ABI3BP: variants seen among roughly 807,000 people sequenced by gnomAD.
ABI3BP encodes the protein ABI family member 3 binding protein, also known as target of Nesh-SH3.
In ABI3BP, 216 loss-of-function variants were observed where a neutral mutation model predicts 268.6. That is an observed-to-expected ratio of 0.80 (90% confidence interval 0.72 to 0.90). The LOEUF (loss-of-function observed/expected upper bound fraction) is 0.90. Ranked by LOEUF, ABI3BP falls within the 40% of genes least tolerant of loss-of-function variation. The pLI is 0.00. For synonymous variants in ABI3BP, 730 were observed against 730.0 expected (o/e 1.00, Z 0.00); for missense variants, 2,090 against 2,182.4 (o/e 0.96, Z 0.84).
chr3:100,862,674 C>T, intron 13 of ABI3BP, 164 bp downstream of exon 13: 1 of 612,284 alleles, frequency 1.6e-6, no homozygotes, highest in Non-Finnish European at 2.8e-6. Flanking sequence ...ACCGAATTTG[C>T]AGAAAATCCA....
chr3:100,811,754 A>G lies in ABI3BP; in HGVS notation c.3467T>C (p.Leu1156Pro). ...TTCAGTCTTTGGCTCCTCTGGCCAG[A>G]GTGGTGCTTTGGCAGTGGGATATAC... ...DYVYPTAKAP[L>P]WPEEPKTEVV... The change falls in exon 47 of 68, where the codon CTC becomes CCC. Residue 1156 changes from leucine (L) to proline (P), a missense_variant. Physicochemically the swap from Leu to Pro is moderately conservative, Grantham distance 98. Transcript: ENST00000471714. 1 of 1,535,520 alleles carries G rather than the reference A, an allele frequency of 6.5e-7. No homozygotes were observed. Among genetic ancestry groups the G allele is most frequent in the Non-Finnish European group, 8.7e-7 (1 of 1,146,488 alleles).
intron 14 of ABI3BP, among the ~76,000 whole-genome samples, chr3:100,861,002 T>C (rs1300279841): frequency 6.6e-6 from 1 of 152,066 alleles, no homozygotes; most frequent in Non-Finnish European, 1.5e-5. Flanking sequence ...AGAGGCTCAC[T>C]CAGTATGAAA....
chr3:100,877,309 G>A (rs1452456225), intron 6 of ABI3BP, among the ~76,000 whole-genome samples: 1 of 152,188 alleles, frequency 6.6e-6, no homozygotes, highest in Admixed American at 6.5e-5. Flanking sequence ...TGCTGCTGCT[G>A]TTACTACAGA....
chr3:100,764,766 T>A (rs2096183550), intron 63 of ABI3BP, among the ~76,000 whole-genome samples: 2 of 152,204 alleles, frequency 1.3e-5, no homozygotes, highest in South Asian at 4.1e-4. Context: ...TTTCTCCCCC[T>A]CTCGATCTAA....
chr3:100,983,195 G>A (rs1427924291), intron 1 of ABI3BP, among the ~76,000 whole-genome samples: 1 of 152,214 alleles, frequency 6.6e-6, no homozygotes, highest in Non-Finnish European at 1.5e-5. Context: ...CAGAGTCTTA[G>A]CAAGGTTTCA....
intron 36 of ABI3BP, 93 bp from the exon 37 acceptor site, chr3:100,823,607 C>T: frequency 2.1e-6 from 2 of 931,308 alleles, no homozygotes; most frequent in East Asian, 5.5e-5. Flanking sequence ...TATGTCAATT[C>T]TTCCAGAGAA....
chr3:100,940,226 G>A (rs1029066869), intron 1 of ABI3BP, among the ~76,000 whole-genome samples: 1 of 152,004 alleles, frequency 6.6e-6, no homozygotes, highest in South Asian at 2.1e-4. Flanking sequence ...ATAAAGACAG[G>A]CATAGGAAAT....
At chr3:100,774,277 T>G (rs938361281) in intron 61 of ABI3BP, among the ~76,000 whole-genome samples, 2 of 152,120 alleles carry the variant, frequency 1.3e-5, no homozygotes, top group Non-Finnish European at 2.9e-5. Flanking sequence ...GGACACCCCC[T>G]TTCTTGATTT....
chr3:100,872,401 T>A (rs1294973141), intron 9 of ABI3BP, among the ~76,000 whole-genome samples: 1 of 152,164 alleles, frequency 6.6e-6, no homozygotes, highest in Non-Finnish European at 1.5e-5. Flanking sequence ...GTAGAATTTT[T>A]AAATTTTTTT....
At chr3:100,957,550 C>G (rs2077256288) in intron 1 of ABI3BP, among the ~76,000 whole-genome samples, 1 of 152,112 alleles carries the variant, frequency 6.6e-6, no homozygotes, top group South Asian at 2.1e-4. Flanking sequence ...AGTCATAAGA[C>G]TAGATGAGAT....
chr3:100,850,521 T>C (rs1382092526), intron 16 of ABI3BP, 139 bp downstream of exon 16: 1 of 647,000 alleles, frequency 1.5e-6, no homozygotes, highest in Admixed American at 2.9e-5. Flanking sequence ...ATTTAAAATA[T>C]ATAGATGTAT....
intron 49 of ABI3BP, among the ~76,000 whole-genome samples, chr3:100,809,861 A>G (rs1162041584): frequency 6.6e-6 from 1 of 152,136 alleles, no homozygotes; most frequent in East Asian, 1.9e-4. Flanking sequence ...CTTTGTGATA[A>G]GCCAAAATAA....
intron 12 of ABI3BP, 163 bp downstream of exon 12, chr3:100,863,839 A>C: frequency 1.8e-6 from 1 of 568,256 alleles, no homozygotes; most frequent in Non-Finnish European, 3.1e-6. Context: ...ACCCAACCAA[A>C]CAATTTGTCA....
chr3:100,895,452 A>G (rs1014442655), intron 4 of ABI3BP, among the ~76,000 whole-genome samples: 2 of 152,236 alleles, frequency 1.3e-5, no homozygotes, highest in Non-Finnish European at 2.9e-5. Flanking sequence ...ACTACCTAAG[A>G]GCTTTGATAT....
intron 63 of ABI3BP, among the ~76,000 whole-genome samples, chr3:100,761,183 T>C (rs1175573989): frequency 6.6e-6 from 1 of 152,186 alleles, no homozygotes; most frequent in African/African-American, 2.4e-5. Context: ...AAGTAAATAC[T>C]GGGGAGGGTA....
chr3:100,963,309 G>C lies in ABI3BP; in HGVS notation c.79+29997C>G, dbSNP rs72930280. Among the ~76,000 whole-genome samples the C allele has an allele frequency of 2.9e-3, 445 of 152,288 alleles. 3 individuals carry two copies. Among genetic ancestry groups the C allele is most frequent in the African/African-American group, 0.01 (421 of 41,554 alleles). On this transcript the variant is annotated intron_variant, in intron 1 of 67. Coordinates refer to ENST00000471714, the MANE Select transcript of ABI3BP (RefSeq NM_001375547.2). ...TGACTACATTTTTTCAATGCTCACTGTATGTGTAGGCTAGAAACCCAGGAG... is the reference window on the plus strand; with the variant it reads ...TGACTACATTTTTTCAATGCTCACTCTATGTGTAGGCTAGAAACCCAGGAG...
rs541791454 is a variant in ABI3BP, at chr3:100,863,880, G to A, written c.1138+122C>T. On this transcript the variant is annotated intron_variant, in intron 12 of 67. Transcript: ENST00000471714. ...AGAGCCTCTTTGGGATCCTAAACTT[G>A]AAGACTGTGTCACCTTTAAGGGATT... is the stretch of plus-strand genomic sequence containing the variant. The A allele has an allele frequency of 1.3e-5, 10 of 751,144 alleles. No individual in the cohort carries two copies. In the South Asian group the frequency reaches 1.6e-4, roughly 12 times the overall value. 46.5% of individuals were successfully genotyped at this position (751,144 alleles called of 1,614,324 possible).
chr3:100,862,984 G>T, intron 12 of ABI3BP, 75 bp from the exon 13 acceptor site: 1 of 1,166,370 alleles, frequency 8.6e-7, no homozygotes, highest in Non-Finnish European at 1.2e-6. Flanking sequence ...TTTTAAGCTT[G>T]CAAAAACAAA....
chr3:100,753,854 G>T lies in ABI3BP; in HGVS notation c.4931-6C>A, dbSNP rs777430428. 1.6e-5 allele frequency: 26 copies of T among 1,608,170 alleles called. No individual in the cohort carries two copies. Among genetic ancestry groups the T allele is most frequent in the Non-Finnish European group, 1.0e-5 (12 of 1,177,458 alleles). ...CTCACTCACTCTTGGGTCCGCTGAGGAGAAATAAATAGAAAAGTCAGACCT... is the reference window on the plus strand; with the variant it reads ...CTCACTCACTCTTGGGTCCGCTGAGTAGAAATAAATAGAAAAGTCAGACCT... On this transcript the variant is annotated splice_polypyrimidine_tract_variant and splice_region_variant and intron_variant, in intron 64 of 67. Transcript: ENST00000471714.
Sources: gnomAD v4.1 joint callset for allele counts (sites outside exome capture counted in the v4.1 genomes callset) on GRCh38, gnomAD v4.1.1 for gene constraint, MANE v1.5 for transcripts, NCBI Gene and HGNC (gene_info 2026-07-23, HGNC 2026-07-21) for gene names.